PSMF1: variants seen among roughly 807,000 people sequenced by gnomAD.
PSMF1 encodes proteasome inhibitor subunit 1, also known as proteasome inhibitor PI31 subunit.
In PSMF1, 30 loss-of-function variants were observed where a neutral mutation model predicts 29.3. That is an observed-to-expected ratio of 1.02 (90% CI 0.77 to 1.39). The LOEUF (loss-of-function observed/expected upper bound fraction) is 1.39, where lower values mean the gene tolerates loss of function less well. Among genes scored for constraint, PSMF1 ranks in the 40% most tolerant of loss-of-function variants. The pLI is 0.00. For synonymous variants in PSMF1, 134 were observed against 139.7 expected (o/e 0.96, Z 0.29); for missense variants, 344 against 357.5 (o/e 0.96, Z 0.31).
chr20:1,150,232 T>C (rs1025030718), intron 4 of PSMF1, among the ~76,000 whole-genome samples: 1 of 152,000 alleles, frequency 6.6e-6, no homozygotes, highest in Non-Finnish European at 1.5e-5. Context: ...CGCAGAATAT[T>C]AAAAAGACAT....
chr20:1,147,210 C>G (rs898043103), intron 4 of PSMF1, among the ~76,000 whole-genome samples: 9 of 151,952 alleles, frequency 5.9e-5, no homozygotes, highest in African/African-American at 1.7e-4. Flanking sequence ...AGTAATTTCC[C>G]TTTCTTGGCT....
chr20:1,151,020 A>G (rs913779281), intron 4 of PSMF1, among the ~76,000 whole-genome samples: 1 of 152,164 alleles, frequency 6.6e-6, no homozygotes, highest in African/African-American at 2.4e-5. Context: ...ATTATCCTCT[A>G]CCTATGTTAC....
intron 4 of PSMF1, chr20:1,161,231 C>T (rs2086663462): frequency 3.2e-6 from 1 of 316,336 alleles, no homozygotes; most frequent in African/African-American, 2.2e-5. Flanking sequence ...GCTGCGTCGC[C>T]CCGGACTTTG....
chr20:1,134,885 C>T (rs1568469649), intron 3 of PSMF1: 4 of 600,392 alleles, frequency 6.7e-6, no homozygotes, highest in South Asian at 1.8e-5. Flanking sequence ...GGGTGGTAAA[C>T]AAGGAGGGGC....
Position 1,163,540 on chromosome 20 carries a change from G to A in PSMF1, c.605+357G>A, listed in dbSNP as rs1439001720. Among the ~76,000 whole-genome samples, 1 of 152,244 alleles carries A rather than the reference G, an allele frequency of 6.6e-6. No homozygotes were observed. Among genetic ancestry groups the A allele is most frequent in the Non-Finnish European group, 1.5e-5 (1 of 68,034 alleles). On this transcript the variant is annotated intron_variant, in intron 5 of 6. Transcript: ENST00000335877. This position sits in a 1 kb window ranked among gnomAD's most constrained non-coding sequence, Gnocchi z 6.1. Reference sequence around the variant, plus strand: ...GCCCCACTTAATAAAGGGAGTCTCTGAGCCCCATTAGACTCTGGATGGTTC... The same window carrying A: ...GCCCCACTTAATAAAGGGAGTCTCTAAGCCCCATTAGACTCTGGATGGTTC...
Position 1,118,667 on chromosome 20 carries a change from A to G in PSMF1, c.-107A>G, listed in dbSNP as rs1257797355. 2.2e-6 allele frequency: 3 copies of G among 1,361,508 alleles called. No homozygotes were observed. The East Asian group carries it at 7.4e-5, about 33-fold the overall frequency. The allele number at this position is 1,361,508 out of a possible 1,614,324, so 84.3% of individuals were successfully genotyped here. A position where few individuals can be genotyped will look rare whatever the true frequency, so the allele number is the denominator to read the frequency against. On this transcript the variant is annotated 5_prime_UTR_variant, in exon 1 of 7. Transcript: ENST00000335877. ...GGTCTCAGGTGTGGACTCGGCAAGA[A>G]CCAGCGCAAGAGGGAAGCAGAGTTA...
At chr20:1,155,834 A>G (rs1296600858) in intron 4 of PSMF1, among the ~76,000 whole-genome samples, 3 of 152,252 alleles carry the variant, frequency 2.0e-5, no homozygotes, top group African/African-American at 7.2e-5. Context: ...TGCTAAAACA[A>G]AAATATCAAG....
chr20:1,126,038 C>A, intron 2 of PSMF1: 1 of 448,968 alleles, frequency 2.2e-6, no homozygotes, highest in Non-Finnish European at 4.5e-6. Context: ...TTCCCCTCCC[C>A]CATCTGCCAC....
At position 1,164,216 on chromosome 20, in the gene PSMF1, G is replaced by A. The variant is rs1232063434; in HGVS notation, c.606-102G>A. The A allele has an allele frequency of 2.4e-6, 3 of 1,244,352 alleles. No individual in the cohort carries two copies. Among genetic ancestry groups the A allele is most frequent in the Admixed American group, 3.4e-5 (2 of 58,134 alleles). The allele number at this position is 1,244,352 out of a possible 1,614,324, so 77.1% of individuals were successfully genotyped here. On this transcript the variant is annotated intron_variant, in intron 5 of 6. Coordinates refer to ENST00000335877, the MANE Select transcript of PSMF1 (RefSeq NM_006814.5). The surrounding 1 kb of genome is among the most constrained non-coding windows in gnomAD (Gnocchi z 4.1). ...CACATGTCTGCTTGGGCCATCCAGA[G>A]TAGACATCCCAGCCATTCTTGGTGC... is the stretch of plus-strand genomic sequence containing the variant.
intron 4 of PSMF1, among the ~76,000 whole-genome samples, chr20:1,162,607 T>C (rs931101241): frequency 2.0e-5 from 3 of 152,178 alleles, no homozygotes; most frequent in African/African-American, 7.2e-5. Context: ...TTTGTGGCCC[T>C]CCTGCAGGTA....
At position 1,168,578 on chromosome 20, in the gene PSMF1, C is replaced by A. The variant is rs1287915498; in HGVS notation, c.*3498C>A. Among the ~76,000 whole-genome samples, 1 of 152,176 alleles carries A rather than the reference C, an allele frequency of 6.6e-6. No individual in the cohort carries two copies. Among genetic ancestry groups the A allele is most frequent in the Non-Finnish European group, 1.5e-5 (1 of 68,028 alleles). ...TCATGAGTCTCTTGAGACTGAAACT[C>A]CAAGAATGTATTGTGCTCACAGTGG... On this transcript the variant is annotated 3_prime_UTR_variant, in exon 7 of 7. Transcript: ENST00000335877.
Position 1,127,656 on chromosome 20 carries a change from T to A in PSMF1, c.365+148T>A, listed in dbSNP as rs2086176444. 6 of 678,762 alleles carry A rather than the reference T, an allele frequency of 8.8e-6. No individual in the cohort carries two copies. In the South Asian group the frequency reaches 9.3e-5, roughly 11 times the overall value. 42.0% of individuals were successfully genotyped at this position (678,762 alleles called of 1,614,324 possible). A position where few individuals can be genotyped will look rare whatever the true frequency, so the allele number is the denominator to read the frequency against. ...GGCACAACTTCCTAATTTTCTTTTC[T>A]GTTTTTTATGTATTTGAAGAGGAGA... On this transcript the variant is annotated intron_variant, in intron 3 of 6. Transcript: ENST00000335877.
At position 1,140,748 on chromosome 20, in the gene PSMF1, G is replaced by A. The variant is rs976582701; in HGVS notation, c.551+5442G>A. 2.3e-4 allele frequency among the ~76,000 whole-genome samples: 35 copies of A among 152,154 alleles called. 1 individual carries two copies. The highest frequency in any genetic ancestry group is 1.3e-4 in the Non-Finnish European group (9 of 68,012). ...TCCAGAATATATAAAGAGCTCTTAC[G>A]ACTGAACAATACAAAAGAAAACTCA... On this transcript the variant is annotated intron_variant, in intron 4 of 6. Transcript: ENST00000335877.
chr20:1,121,830 T>G (rs2086091409), intron 1 of PSMF1, among the ~76,000 whole-genome samples: 1 of 152,202 alleles, frequency 6.6e-6, no homozygotes, highest in Admixed American at 6.5e-5. Flanking sequence ...GAATTTGGAT[T>G]TCTTTCTTGA....
Position 1,118,845 on chromosome 20 carries a change from C to G in PSMF1, c.72C>G (p.Cys24Trp). 1 of 1,613,968 alleles carries G rather than the reference C, an allele frequency of 6.2e-7. No homozygotes were observed. Residue 24 changes from cysteine (C) to tryptophan (W), a missense_variant, in exon 1 of 7, where the codon TGC becomes TGG. Cys to Trp is a radical substitution (Grantham distance 215). Transcript: ENST00000335877. ...CCTGCAGGCAGGACGCGCTCGTCTG[C>G]TTCTTGCATTGGGAAGTGGTGACAC... is the stretch of plus-strand genomic sequence containing the variant. ...AITCRQDALV[C>W]FLHWEVVTHG...
chr20:1,125,475 C>G lies in PSMF1; in HGVS notation c.130-23C>G, dbSNP rs1295729547. 4 of 1,580,796 alleles carry G rather than the reference C, an allele frequency of 2.5e-6. No individual in the cohort carries two copies. The Admixed American group carries it at 7.4e-5, about 29-fold the overall frequency. On this transcript the variant is annotated intron_variant, in intron 1 of 6. Coordinates refer to ENST00000335877, the MANE Select transcript of PSMF1 (RefSeq NM_006814.5). ...TGTGTTTTGAGTTCATGATCTTTCTCCTCTCAACTGTGGTCTTCCCAGCCG... is the reference window on the plus strand; with the variant it reads ...TGTGTTTTGAGTTCATGATCTTTCTGCTCTCAACTGTGGTCTTCCCAGCCG...
At chr20:1,119,294 G>A (rs951150008) in intron 1 of PSMF1, among the ~76,000 whole-genome samples, 3 of 152,084 alleles carry the variant, frequency 2.0e-5, no homozygotes, top group African/African-American at 7.2e-5. Context: ...TCGGGGTGAG[G>A]GGACTGACTC....
chr20:1,135,941 G>A (rs986283353), intron 4 of PSMF1, among the ~76,000 whole-genome samples: 7 of 152,190 alleles, frequency 4.6e-5, no homozygotes, highest in Non-Finnish European at 1.5e-5. Flanking sequence ...TTCTCAGTTT[G>A]GAGCCCGTAC....
chr20:1,126,150 A>G (rs556907442), intron 2 of PSMF1, among the ~76,000 whole-genome samples: 1 of 152,152 alleles, frequency 6.6e-6, no homozygotes, highest in African/African-American at 2.4e-5. Flanking sequence ...TCCCCAAAAA[A>G]ATCTAAATTA....
Sources: allele counts gnomAD v4.1 joint callset (sites outside exome capture counted in the v4.1 genomes callset), GRCh38; gene constraint gnomAD v4.1.1; non-coding constraint Gnocchi (gnomAD v3.1); transcripts MANE v1.5; gene names NCBI Gene and HGNC (gene_info 2026-07-23, HGNC 2026-07-21).